Variants in RNF38 observed in about 807,000 individuals in gnomAD.
RNF38 encodes ring finger protein 38, also known as E3 ubiquitin-protein ligase RNF38.
Under a neutral mutation model 67.2 loss-of-function variants are expected in RNF38, and 15 were observed. That is an observed-to-expected ratio of 0.22 (90% CI 0.15 to 0.34). RNF38 has a LOEUF of 0.34. Ranked by LOEUF, RNF38 falls within the 10% of genes least tolerant of loss-of-function variation. The pLI, the probability that RNF38 is intolerant of heterozygous loss-of-function variation, is 1.00. For synonymous variants in RNF38, 220 were observed against 218.8 expected, an observed-to-expected ratio of 1.01 and a Z score of -0.05; for missense variants, 524 against 639.9, an observed-to-expected ratio of 0.82 and a Z score of 1.95.
At chr9:36,394,118 T>C (rs541161949) in intron 1 of RNF38, among the ~76,000 whole-genome samples, 6 of 152,064 alleles carry the variant, frequency 3.9e-5, no homozygotes, top group Non-Finnish European at 7.4e-5. Flanking sequence ...CTACTAAAAA[T>C]ACAAAAATTA....
intron 1 of RNF38, among the ~76,000 whole-genome samples, chr9:36,430,555 A>T (rs534537219): frequency 6.6e-6 from 1 of 152,216 alleles, no homozygotes; most frequent in African/African-American, 2.4e-5. Context: ...GTAGTTAATG[A>T]AGGAGATAAA....
At chr9:36,409,043 C>T (rs752241018) in intron 2 of RNF38, among the ~76,000 whole-genome samples, 5 of 152,168 alleles carry the variant, frequency 3.3e-5, no homozygotes, top group East Asian at 1.9e-4. Context: ...AAAAATTAGC[C>T]GAGTGTGGTG....
chr9:36,373,374 A>C (rs769955368), intron 3 of RNF38, among the ~76,000 whole-genome samples: 2 of 152,220 alleles, frequency 1.3e-5, no homozygotes, highest in Non-Finnish European at 2.9e-5. Context: ...TCAAAGAAAA[A>C]TACATTTAAA....
intron 2 of RNF38, among the ~76,000 whole-genome samples, chr9:36,386,453 G>A (rs764458885): frequency 6.6e-6 from 1 of 152,176 alleles, no homozygotes. Context: ...ATTTCTCTAT[G>A]TGTATAGCTT....
At chr9:36,472,220 G>C (rs761625624) in intron 1 of RNF38, among the ~76,000 whole-genome samples, 47 of 152,118 alleles carry the variant, frequency 3.1e-4, no homozygotes, top group Non-Finnish European at 5.4e-4. Flanking sequence ...TAAAAACTAA[G>C]AACAGTGAGT....
At chr9:36,368,180 G>A (rs760121428) in intron 4 of RNF38, among the ~76,000 whole-genome samples, 5 of 152,148 alleles carry the variant, frequency 3.3e-5, no homozygotes, top group Middle Eastern at 3.4e-3. Context: ...TTTTAAAGAC[G>A]GATTTTGTTA....
upstream of RNF38, among the ~76,000 whole-genome samples, chr9:36,402,709 T>C (rs556617654): frequency 2.0e-5 from 3 of 152,292 alleles, no homozygotes; most frequent in Admixed American, 1.3e-4. Flanking sequence ...TCCTCCAGCA[T>C]TCCTCACCTC....
intron 2 of RNF38, among the ~76,000 whole-genome samples, chr9:36,378,904 CTTTT>C (rs35905528): frequency 6.9e-6 from 1 of 144,790 alleles, no homozygotes; most frequent in Non-Finnish European, 1.5e-5. Context: ...TTTCTTTTTC[CTTTT>C]TTTTTTTTTG....
At chr9:36,434,393 T>C (rs753796318) in intron 1 of RNF38, among the ~76,000 whole-genome samples, 2 of 150,610 alleles carry the variant, frequency 1.3e-5, no homozygotes, top group Admixed American at 6.6e-5. Flanking sequence ...GGAAGGACTT[T>C]TATTTTTTGA....
intron 1 of RNF38, among the ~76,000 whole-genome samples, chr9:36,476,382 G>GC (rs1840120993): frequency 6.6e-6 from 1 of 152,112 alleles, no homozygotes; most frequent in Non-Finnish European, 1.5e-5. Context: ...AAAGTGCTAG[G>GC]ATTATAGGCA....
chr9:36,453,266 T>TGCACTGG (rs1342247508), intron 1 of RNF38, among the ~76,000 whole-genome samples: 1 of 152,082 alleles, frequency 6.6e-6, no homozygotes. Context: ...CTGGCTGGAG[T>TGCACTGG]GCACTGGCAC....
Position 36,353,250 on chromosome 9 carries a change from G to T in RNF38, c.991C>A (p.His331Asn). 1 of 1,612,296 alleles carries T rather than the reference G, an allele frequency of 6.2e-7. No homozygotes were observed. The highest frequency in any genetic ancestry group is 1.1e-5 in the South Asian group (1 of 91,016). Residue 331 changes from histidine to asparagine, a missense_variant, in exon 7 of 12, where the codon CAC becomes AAC. Transcript: ENST00000259605. Reference sequence around the variant, plus strand: ...GCTGATGGAGGTAATGTTGGGGGGTGGGCTGATGGAGGGTAAGTAAAACCT... The same window carrying T: ...GCTGATGGAGGTAATGTTGGGGGGTTGGCTGATGGAGGGTAAGTAAAACCT... ...VGGFTYPPSAHPPTLPPSAPL... is the reference protein window; with the variant it reads ...VGGFTYPPSANPPTLPPSAPL...
At chr9:36,418,022 G>A (rs572835213) in intron 2 of RNF38, among the ~76,000 whole-genome samples, 1 of 151,142 alleles carries the variant, frequency 6.6e-6, no homozygotes, top group Non-Finnish European at 1.5e-5. Flanking sequence ...ATAGAGTGCT[G>A]TGTTTGTTTT....
chr9:36,397,174 C>T (rs1837602204), intron 1 of RNF38, among the ~76,000 whole-genome samples: 1 of 150,640 alleles, frequency 6.6e-6, no homozygotes, highest in Non-Finnish European at 1.5e-5. Flanking sequence ...AATCCTGACT[C>T]GCACAATCCT....
At chr9:36,413,522 A>G (rs1438543969) in intron 2 of RNF38, among the ~76,000 whole-genome samples, 1 of 152,248 alleles carries the variant, frequency 6.6e-6, no homozygotes, top group African/African-American at 2.4e-5. Flanking sequence ...TATGAAATGT[A>G]CAGAATAGGC....
intron 2 of RNF38, among the ~76,000 whole-genome samples, chr9:36,412,238 T>C (rs1381419335): frequency 6.6e-6 from 1 of 152,218 alleles, no homozygotes; most frequent in Non-Finnish European, 1.5e-5. Context: ...CTTACAAATA[T>C]CAGCCTTTTG....
At position 36,338,438 on chromosome 9, in the gene RNF38, T is replaced by C. The variant is rs1832598917; in HGVS notation, c.*1314A>G. The C allele has an allele frequency of 1.3e-5, 2 of 152,338 alleles. No individual in the cohort carries two copies. Among genetic ancestry groups the C allele is most frequent in the East Asian group, 1.9e-4 (1 of 5,190 alleles). 9.4% of individuals were successfully genotyped at this position (152,338 alleles called of 1,614,324 possible). A position where few individuals can be genotyped will look rare whatever the true frequency, so the allele number is the denominator to read the frequency against. On this transcript the variant is annotated 3_prime_UTR_variant, in exon 12 of 12. Transcript: ENST00000259605. ...GTAAAATATCAAAACAAATCAGGTC[T>C]AAGGAACATGAGCTGTAACAGCACT... is the stretch of plus-strand genomic sequence containing the variant.
intron 1 of RNF38, among the ~76,000 whole-genome samples, chr9:36,471,570 T>TGAAGTGATC (rs1391081777): frequency 6.6e-6 from 1 of 152,176 alleles, no homozygotes; most frequent in Non-Finnish European, 1.5e-5. Flanking sequence ...CTCCAGAGAC[T>TGAAGTGATC]GAAGTGATCG....
chr9:36,481,781 C>T (rs953421800), intron 1 of RNF38, among the ~76,000 whole-genome samples: 1 of 152,156 alleles, frequency 6.6e-6, no homozygotes, highest in Non-Finnish European at 1.5e-5. Flanking sequence ...CCGGTCTTGT[C>T]CTTGGTTTGT....
Sources: gnomAD v4.1 joint callset for allele counts (sites outside exome capture counted in the v4.1 genomes callset) on GRCh38, gnomAD v4.1.1 for gene constraint, MANE v1.5 for transcripts, NCBI Gene and HGNC (gene_info 2026-07-23, HGNC 2026-07-21) for gene names.